Variants in DIAPH2 observed in about 807,000 individuals in gnomAD.
The protein encoded by DIAPH2 is protein diaphanous homolog 2.
DIAPH2 carries 35 observed loss-of-function variants against 92.7 expected under a neutral mutation model. The ratio of observed to expected loss-of-function variants is 0.38; its 90% CI spans 0.29 to 0.50. DIAPH2 has a LOEUF of 0.50. DIAPH2 is among the 20% of genes least tolerant of loss of function. DIAPH2 has a pLI of 0.94. For missense variants in DIAPH2, 701 were observed against 819.5 expected (o/e 0.86, Z 1.77); for synonymous variants, 301 against 280.4 (o/e 1.07, Z -0.73).
intron 5 of DIAPH2, among the ~76,000 whole-genome samples, chrX:96,886,763 A>G (rs1291612037): frequency 9.0e-6 from 1 of 111,220 alleles, no homozygotes; most frequent in African/African-American, 3.3e-5. Flanking sequence ...TCTAGCAGAT[A>G]CAATATTCTT....
chrX:97,110,369 T>C (rs2066970710), intron 20 of DIAPH2, among the ~76,000 whole-genome samples: 1 of 111,712 alleles, frequency 9.0e-6, no homozygotes, highest in African/African-American at 3.3e-5. Flanking sequence ...ATCATAATAA[T>C]AACAAAAACT....
intron 4 of DIAPH2, among the ~76,000 whole-genome samples, chrX:96,775,898 C>T (rs2064374309): frequency 9.0e-6 from 1 of 111,700 alleles, no homozygotes. Context: ...AAGTGATTCT[C>T]ATGGTAATTC....
chrX:97,509,907 A>G (rs2070872737), intron 26 of DIAPH2, among the ~76,000 whole-genome samples: 1 of 110,405 alleles, frequency 9.1e-6, no homozygotes, highest in Admixed American at 9.6e-5. Context: ...CCAGTCTATC[A>G]TTGTTAGACA....
intron 22 of DIAPH2, among the ~76,000 whole-genome samples, chrX:97,168,144 G>T (rs1311767583): frequency 2.8e-5 from 3 of 107,259 alleles, no homozygotes; most frequent in Non-Finnish European, 3.8e-5. Flanking sequence ...GAGTGTAGTG[G>T]CATGATCTTG....
intron 17 of DIAPH2, among the ~76,000 whole-genome samples, chrX:96,970,225 G>T (rs191971853): frequency 9.0e-6 from 1 of 111,275 alleles, no homozygotes; most frequent in East Asian, 2.8e-4. Flanking sequence ...GGTGATGCTG[G>T]CTTCATAGAC....
At chrX:97,463,885 G>A (rs1027949799) in intron 26 of DIAPH2, among the ~76,000 whole-genome samples, 1 of 111,024 alleles carries the variant, frequency 9.0e-6, no homozygotes, top group African/African-American at 3.3e-5. Context: ...ATGACTTGAA[G>A]TGAATCACTT....
chrX:97,429,843 T>G, intron 26 of DIAPH2, 98 bp downstream of exon 26: 3 of 824,553 alleles, frequency 3.6e-6, no homozygotes, highest in South Asian at 6.3e-5. Flanking sequence ...AAATACTTCC[T>G]CATGAAGACT....
In DIAPH2 at chrX:97,483,731, C is replaced by T. The variant is rs551573537; in HGVS notation, c.3241+53986C>T. Reference sequence around the variant, plus strand: ...CTACAGAGAAAGCCTGTTGTTTGGCCTCATTGAATGTGTCATACATATGCA... The same window carrying T: ...CTACAGAGAAAGCCTGTTGTTTGGCTTCATTGAATGTGTCATACATATGCA... On this transcript the variant is annotated intron_variant, in intron 26 of 26. Transcript: ENST00000324765. 2.5e-3 allele frequency among the ~76,000 whole-genome samples: 277 copies of T among 111,619 alleles called. 3 individuals are homozygous for T. In the South Asian group the frequency reaches 0.1, roughly 41 times the overall value.
chrX:97,295,970 C>G (rs1311323696), intron 23 of DIAPH2, among the ~76,000 whole-genome samples: 1 of 110,640 alleles, frequency 9.0e-6, no homozygotes, highest in Non-Finnish European at 1.9e-5. Flanking sequence ...AACTTCAGGT[C>G]ATCTGCCCAC....
chrX:97,166,087 A>T (rs1206509537), intron 22 of DIAPH2, among the ~76,000 whole-genome samples: 1 of 111,425 alleles, frequency 9.0e-6, no homozygotes, highest in African/African-American at 3.3e-5. Context: ...CTTAAGTAAA[A>T]TATTGTTTTT....
chrX:96,716,967 T>C (rs971255793), intron 1 of DIAPH2, among the ~76,000 whole-genome samples: 1 of 111,676 alleles, frequency 9.0e-6, no homozygotes, highest in Non-Finnish European at 1.9e-5. Flanking sequence ...TAGGCATTCA[T>C]TGTTAGAAAT....
chrX:97,217,303 A>T (rs1486820958), intron 22 of DIAPH2, among the ~76,000 whole-genome samples: 2 of 111,327 alleles, frequency 1.8e-5, no homozygotes, highest in African/African-American at 6.5e-5. Context: ...TGGTAGTTTA[A>T]CTCACTGTCA....
chrX:96,862,106 C>T (rs953479972), intron 4 of DIAPH2, among the ~76,000 whole-genome samples: 3 of 111,774 alleles, frequency 2.7e-5, no homozygotes, highest in African/African-American at 9.8e-5. Context: ...TTTATACTTA[C>T]ATTACTGAAA....
At chrX:97,510,063 A>C (rs1472305844) in intron 26 of DIAPH2, among the ~76,000 whole-genome samples, 1 of 110,902 alleles carries the variant, frequency 9.0e-6, no homozygotes, top group Non-Finnish European at 1.9e-5. Flanking sequence ...TTCTAGTTCT[A>C]GATCCCTGAG....
intron 1 of DIAPH2, among the ~76,000 whole-genome samples, chrX:96,693,320 G>T (rs2063807719): frequency 8.9e-6 from 1 of 112,192 alleles, no homozygotes; most frequent in South Asian, 3.7e-4. Flanking sequence ...AGTGATAATT[G>T]TTGGAGCCAG....
At chrX:96,960,418 A>G (rs763399214) in intron 16 of DIAPH2, among the ~76,000 whole-genome samples, 21 of 110,562 alleles carry the variant, frequency 1.9e-4, no homozygotes, top group African/African-American at 5.6e-4. Flanking sequence ...TTTATTGTTC[A>G]GCTATAGAAA....
chrX:97,279,434 G>C (rs1417083843), intron 23 of DIAPH2, among the ~76,000 whole-genome samples: 1 of 108,587 alleles, frequency 9.2e-6, no homozygotes, highest in Non-Finnish European at 1.9e-5. Context: ...CTCCTGAGTA[G>C]CTGGGATTAC....
intron 17 of DIAPH2, among the ~76,000 whole-genome samples, chrX:97,058,281 C>T (rs1260005856): frequency 9.0e-6 from 1 of 111,059 alleles, no homozygotes. Flanking sequence ...AACTGGAATC[C>T]AGTCACTTTT....
intron 22 of DIAPH2, among the ~76,000 whole-genome samples, chrX:97,154,875 C>T (rs73250793): frequency 1.4e-4 from 16 of 111,937 alleles, no homozygotes; most frequent in Non-Finnish European, 2.6e-4. Context: ...AGATATTCTT[C>T]GGAGGAAAAT....
Sources: gnomAD v4.1 joint callset for allele counts (sites outside exome capture counted in the v4.1 genomes callset) on GRCh38, gnomAD v4.1.1 for gene constraint, MANE v1.5 for transcripts, NCBI Gene and HGNC (gene_info 2026-07-23, HGNC 2026-07-21) for gene names.